SMARCB1: variants seen among roughly 807,000 people sequenced by gnomAD.
SMARCB1 encodes the protein SWI/SNF-related matrix-associated actin-dependent regulator of chromatin subfamily B member 1.
A neutral mutation model predicts 49.0 loss-of-function variants in SMARCB1; 5 were observed. The ratio of observed to expected loss-of-function variants is 0.10; its 90% CI spans 0.05 to 0.21. The LOEUF is 0.21. SMARCB1 is among the 10% of genes least tolerant of loss of function. SMARCB1 has a pLI of 1.00. For synonymous variants in SMARCB1, 201 were observed against 200.1 expected, an observed-to-expected ratio of 1.00 and a Z score of -0.04; for missense variants, 226 against 509.2, an observed-to-expected ratio of 0.44 and a Z score of 5.35.
In SMARCB1 at chr22:23,836,717, G is replaced by A. The variant is rs2031076355; in HGVS notation, c.*2537G>A. On this transcript the variant is annotated 3_prime_UTR_variant, in exon 9 of 9. Transcript: ENST00000644036. ...GGCCAGGTGAGATGGGGAAGCCAGT[G>A]CTGTGGGCCAAGAGACTGCAGCTCA... is the stretch of plus-strand genomic sequence containing the variant. 6 of 1,346,716 alleles carry A rather than the reference G, an allele frequency of 4.5e-6. No homozygotes were observed. Among genetic ancestry groups the A allele is most frequent in the Non-Finnish European group, 5.7e-6 (6 of 1,055,944 alleles). 83.4% of individuals were successfully genotyped at this position (1,346,716 alleles called of 1,614,324 possible). A position where few individuals can be genotyped will look rare whatever the true frequency, so the allele number is the denominator to read the frequency against.
chr22:23,837,363 A>G lies in SMARCB1; in HGVS notation c.*3183A>G. The stretch of plus-strand genomic sequence containing the variant: ...GAAGCAGGCAGGACCCAGGGAGGGG[A>G]GGGCCTGAGAATAGTGGAGGAGTGG... On this transcript the variant is annotated 3_prime_UTR_variant, in exon 9 of 9. Transcript: ENST00000644036. 1 of 697,714 alleles carries G rather than the reference A, an allele frequency of 1.4e-6. No homozygotes were observed. 43.2% of individuals were successfully genotyped at this position (697,714 alleles called of 1,614,324 possible).
intron 7 of SMARCB1, chr22:23,825,966 A>G (rs1026449555): frequency 3.8e-5 from 6 of 157,458 alleles, no homozygotes; most frequent in African/African-American, 1.4e-4. Flanking sequence ...CCTGGAAGAT[A>G]GAGACAGGTC....
At chr22:23,804,028 C>T (rs956552874) in intron 5 of SMARCB1, 1 of 153,732 alleles carries the variant, frequency 6.5e-6, no homozygotes, top group Admixed American at 6.4e-5. Flanking sequence ...TTATTGTTTT[C>T]TCTATTTTTA....
At chr22:23,827,806 C>T (rs908443111) in intron 7 of SMARCB1, among the ~76,000 whole-genome samples, 6 of 152,186 alleles carry the variant, frequency 3.9e-5, no homozygotes, top group Admixed American at 1.3e-4. Flanking sequence ...TAGGGTTGGG[C>T]TGTCATCCCT....
intron 5 of SMARCB1, chr22:23,815,854 C>CATCT (rs1275668751): frequency 6.6e-6 from 1 of 152,218 alleles, no homozygotes; most frequent in Admixed American, 6.5e-5. Context: ...TTGTTTCTTG[C>CATCT]ATCTGTACAT....
At chr22:23,824,897 G>T in intron 6 of SMARCB1, 1 of 445,620 alleles carries the variant, frequency 2.2e-6, no homozygotes, top group Non-Finnish European at 4.2e-6. Flanking sequence ...GGCAGCAGGA[G>T]CGAAGGGCAG....
chr22:23,815,958 C>G (rs1380875477), intron 5 of SMARCB1: 1 of 152,644 alleles, frequency 6.6e-6, no homozygotes, highest in African/African-American at 2.4e-5. Context: ...TGTTGCTGCC[C>G]CGCAGGCTGT....
chr22:23,804,664 C>G (rs1240579547), intron 5 of SMARCB1, among the ~76,000 whole-genome samples: 1 of 152,192 alleles, frequency 6.6e-6, no homozygotes, highest in Non-Finnish European at 1.5e-5. Flanking sequence ...GTGCCTCAGC[C>G]TCCTGAGTAG....
At chr22:23,800,029 A>T (rs1433987005) in intron 3 of SMARCB1, among the ~76,000 whole-genome samples, 3 of 151,278 alleles carry the variant, frequency 2.0e-5, no homozygotes, top group African/African-American at 7.3e-5. Flanking sequence ...GGGTTTCACC[A>T]TGTTGGCCAG....
rs144407339 is a variant in SMARCB1, at chr22:23,837,123, C to G, written c.*2943C>G. ...CAGGCTGGTTGGGGAAGACGTCCTC[C>G]AGGAAGTAGTAGATATGGCCCACCG... On this transcript the variant is annotated 3_prime_UTR_variant, in exon 9 of 9. Coordinates refer to ENST00000644036, the MANE Select transcript of SMARCB1 (RefSeq NM_003073.5). 61 of 1,613,868 alleles carry G rather than the reference C, an allele frequency of 3.8e-5. No homozygotes were observed. Among genetic ancestry groups the G allele is most frequent in the Non-Finnish European group, 5.0e-5 (59 of 1,179,938 alleles).
intron 8 of SMARCB1, 78 bp from the exon 9 acceptor site, chr22:23,834,063 C>A: frequency 6.8e-7 from 1 of 1,474,580 alleles, no homozygotes; most frequent in Non-Finnish European, 9.3e-7. Flanking sequence ...CACTTGGCTG[C>A]CCTGTAGAGC....
At chr22:23,807,087 A>G (rs1929542554) in intron 5 of SMARCB1, among the ~76,000 whole-genome samples, 2 of 152,146 alleles carry the variant, frequency 1.3e-5, no homozygotes, top group African/African-American at 4.8e-5. Context: ...GGAGGGAAGT[A>G]TTAAAATCCT....
In SMARCB1 at chr22:23,825,317, G is replaced by T. The variant is rs769322487; in HGVS notation, c.888G>T (p.Lys296Asn). The T allele has an allele frequency of 6.2e-7, 1 of 1,614,092 alleles. No individual in the cohort carries two copies. Residue 296 changes from lysine to asparagine, a missense_variant, in exon 7 of 9, where the codon AAG (lysine) becomes AAT (asparagine). By Grantham distance (94) the Lys-to-Asn change is moderately conservative. Transcript: ENST00000644036. ...ACTCACCAGAGAAGTTTGCCCTGAA[G>T]CTGTGCTCGGAGCTGGGGTTGGGCG... ...KENSPEKFAL[K>N]LCSELGLGGE...
In SMARCB1 at chr22:23,836,802, C is replaced by T. The variant is rs991460563; in HGVS notation, c.*2622C>T. The T allele has an allele frequency of 1.4e-6, 2 of 1,418,204 alleles. No individual in the cohort carries two copies. Among genetic ancestry groups the T allele is most frequent in the African/African-American group, 2.9e-5 (2 of 68,296 alleles). The allele number at this position is 1,418,204 out of a possible 1,614,324, so 87.9% of individuals were successfully genotyped here. A position where few individuals can be genotyped will look rare whatever the true frequency, so the allele number is the denominator to read the frequency against. ...AGCCTTTAGGATGGGTTTTTTCTGC[C>T]CCAAGTAGGGGTCATGGGTAGGATG... On this transcript the variant is annotated 3_prime_UTR_variant, in exon 9 of 9. Coordinates refer to ENST00000644036, the MANE Select transcript of SMARCB1 (RefSeq NM_003073.5).
chr22:23,799,976 G>A (rs1929042082), intron 3 of SMARCB1, among the ~76,000 whole-genome samples: 1 of 149,544 alleles, frequency 6.7e-6, no homozygotes, highest in Non-Finnish European at 1.5e-5. Flanking sequence ...GAGCCACCGC[G>A]CCCGGCTACA....
At chr22:23,796,406 C>T (rs1310822341) in intron 3 of SMARCB1, among the ~76,000 whole-genome samples, 1 of 152,086 alleles carries the variant, frequency 6.6e-6, no homozygotes, top group Non-Finnish European at 1.5e-5. Flanking sequence ...GTGGGTGAGA[C>T]GTGCAGAATA....
intron 7 of SMARCB1, among the ~76,000 whole-genome samples, chr22:23,830,911 G>A (rs1041969387): frequency 5.9e-5 from 9 of 151,904 alleles, no homozygotes; most frequent in African/African-American, 9.7e-5. Context: ...CGCCCGCCTC[G>A]GCCTCCCAAA....
intron 3 of SMARCB1, among the ~76,000 whole-genome samples, chr22:23,798,146 A>G (rs1431928310): frequency 6.6e-6 from 1 of 152,206 alleles, no homozygotes; most frequent in Admixed American, 6.5e-5. Flanking sequence ...GTGGTTTGCA[A>G]ATACAGGCTC....
At chr22:23,819,048 C>T (rs964286345) in intron 6 of SMARCB1, among the ~76,000 whole-genome samples, 4 of 151,962 alleles carry the variant, frequency 2.6e-5, no homozygotes, top group Admixed American at 1.3e-4. Flanking sequence ...GATGGGGTTT[C>T]GCCATGTTGC....
Sources: allele counts gnomAD v4.1 joint callset (sites outside exome capture counted in the v4.1 genomes callset), GRCh38; gene constraint gnomAD v4.1.1; transcripts MANE v1.5; gene names NCBI Gene and HGNC (gene_info 2026-07-23, HGNC 2026-07-21).